CTNNA1: variants seen among roughly 807,000 people sequenced by gnomAD.
CTNNA1 encodes the protein catenin alpha-1.
In CTNNA1, 37 loss-of-function variants were observed where a neutral mutation model predicts 98.4. That is an observed-to-expected ratio of 0.38 (90% confidence interval 0.29 to 0.49). The LOEUF is 0.49. Among genes scored for constraint, CTNNA1 ranks in the 20% least tolerant of loss-of-function variants. The pLI is 0.95. For synonymous variants in CTNNA1, 404 were observed against 413.2 expected, an observed-to-expected ratio of 0.98 and a Z score of 0.27; for missense variants, 761 against 1,147.2, an observed-to-expected ratio of 0.66 and a Z score of 4.86.
At chr5:138,819,009 CA>C (rs1324653906) in intron 5 of CTNNA1, among the ~76,000 whole-genome samples, 2 of 152,094 alleles carry the variant, frequency 1.3e-5, no homozygotes, top group African/African-American at 4.8e-5. Context: ...AGCTTTGGCC[CA>C]GGGGCCTAGG....
intron 10 of CTNNA1, among the ~76,000 whole-genome samples, chr5:138,909,263 T>C (rs2150173065): frequency 6.6e-6 from 1 of 152,262 alleles, no homozygotes; most frequent in South Asian, 2.1e-4. Context: ...TTATAATGCC[T>C]GGTTTAATGC....
intron 7 of CTNNA1, chr5:138,875,509 T>A (rs1216403249): frequency 7.1e-6 from 7 of 985,362 alleles, no homozygotes; most frequent in Non-Finnish European, 8.4e-6. Flanking sequence ...AAAGAAGAAC[T>A]CCTGACTTAA....
chr5:138,813,044 C>T (rs114048139), intron 5 of CTNNA1, among the ~76,000 whole-genome samples: 1,541 of 152,320 alleles, frequency 0.01, 23 homozygotes, highest in African/African-American at 0.035. Context: ...GGATACTTTG[C>T]ACTGGAGTTT....
intron 3 of CTNNA1, among the ~76,000 whole-genome samples, chr5:138,790,632 A>G (rs1756250906): frequency 6.6e-6 from 1 of 152,138 alleles, no homozygotes; most frequent in African/African-American, 2.4e-5. Flanking sequence ...TGGGCTGGAG[A>G]TGCTGATCTT....
chr5:138,898,524 G>T (rs1222291310), intron 9 of CTNNA1, among the ~76,000 whole-genome samples: 1 of 151,420 alleles, frequency 6.6e-6, no homozygotes, highest in Non-Finnish European at 1.5e-5. Flanking sequence ...CATGTGAATG[G>T]AAATGATTAC....
intron 7 of CTNNA1, chr5:138,875,687 G>T (rs774009422): frequency 2.0e-6 from 2 of 985,428 alleles, no homozygotes; most frequent in Non-Finnish European, 1.2e-6. Flanking sequence ...ATCTAAATGG[G>T]CAGAAGCCTG....
Position 138,831,081 on chromosome 5 carries a change from A to G in CTNNA1, c.1062+3363A>G, listed in dbSNP as rs191172311. 4.8e-3 allele frequency among the ~76,000 whole-genome samples: 727 copies of G among 152,362 alleles called. 3 individuals carry two copies. Among genetic ancestry groups the G allele is most frequent in the African/African-American group, 0.015 (613 of 41,582 alleles). On this transcript the variant is annotated intron_variant, in intron 7 of 17. Transcript: ENST00000302763. The stretch of plus-strand genomic sequence containing the variant: ...TGGAACTTTGTATAAACATTGTTGT[A>G]AAGTCCAGAAAGGCTCACATAATAT...
intron 7 of CTNNA1, among the ~76,000 whole-genome samples, chr5:138,843,004 G>A (rs1299429418): frequency 6.6e-6 from 1 of 152,010 alleles, no homozygotes; most frequent in Non-Finnish European, 1.5e-5. Flanking sequence ...ACTAATTTGG[G>A]GGTTATGTTA....
rs1401839892 is a variant in CTNNA1, at chr5:138,930,653, C to T, written c.2191C>T (p.Arg731Ter). 5 of 1,610,716 alleles carry T rather than the reference C, an allele frequency of 3.1e-6. No homozygotes were observed. Among genetic ancestry groups the T allele is most frequent in the South Asian group, 1.1e-5 (1 of 90,498 alleles). ...MIMMEMTDFT[R>*]GKGPLKNTSD... ...TATGATGGAGATGACAGACTTTACC[C>T]GGTGAGCAGCACCCCGGCCCCACCA... Residue 731 changes from arginine (R) to a stop codon, truncating the protein, a stop_gained and splice_region_variant, in exon 15 of 18, where the codon CGA (arginine) becomes TGA (stop). Coordinates refer to ENST00000302763, the MANE Select transcript of CTNNA1 (RefSeq NM_001903.5). LOFTEE classifies it high-confidence loss of function.
At chr5:138,803,649 A>G (rs529147157) in intron 3 of CTNNA1, among the ~76,000 whole-genome samples, 57 of 152,292 alleles carry the variant, frequency 3.7e-4, no homozygotes, top group African/African-American at 1.2e-3. Flanking sequence ...CTCTTCCTCC[A>G]GATAGCCACA....
chr5:138,828,576 A>G (rs776303533), intron 7 of CTNNA1, among the ~76,000 whole-genome samples: 16 of 152,226 alleles, frequency 1.1e-4, no homozygotes, highest in Non-Finnish European at 1.3e-4. Context: ...AATCATTTTA[A>G]GGGGAAGAAG....
At chr5:138,811,045 T>C (rs1581111137) in intron 4 of CTNNA1, among the ~76,000 whole-genome samples, 1 of 149,358 alleles carries the variant, frequency 6.7e-6, no homozygotes, top group African/African-American at 2.5e-5. Flanking sequence ...CCGGACGGGG[T>C]GGCTGCCGGG....
At chr5:138,772,308 T>C (rs895171473) in intron 1 of CTNNA1, among the ~76,000 whole-genome samples, 1 of 152,210 alleles carries the variant, frequency 6.6e-6, no homozygotes, top group Middle Eastern at 3.2e-3. Context: ...GTTTATTTAG[T>C]TCCATTAAGC....
chr5:138,932,308 C>G, intron 16 of CTNNA1: 1 of 1,230,664 alleles, frequency 8.1e-7, no homozygotes, highest in South Asian at 2.6e-5. Context: ...GGAGGGAAGT[C>G]AGTGGGAGGC....
At chr5:138,891,288 C>T (rs1755294079) in intron 9 of CTNNA1, 1 of 152,100 alleles carries the variant, frequency 6.6e-6, no homozygotes, top group Non-Finnish European at 1.5e-5. Flanking sequence ...TCTTTATTGT[C>T]ATGTCTGTAT....
At chr5:138,881,556 T>C (rs1752911748) in intron 7 of CTNNA1, among the ~76,000 whole-genome samples, 1 of 152,256 alleles carries the variant, frequency 6.6e-6, no homozygotes, top group East Asian at 1.9e-4. Flanking sequence ...GATAATTCTC[T>C]TTAAAGTTCT....
chr5:138,877,762 A>G (rs1295416514), intron 7 of CTNNA1, among the ~76,000 whole-genome samples: 33 of 152,172 alleles, frequency 2.2e-4, no homozygotes, highest in Non-Finnish European at 1.2e-4. Context: ...TCTTAAATGA[A>G]AATAAGCCCT....
At chr5:138,810,016 T>C (rs779220579) in intron 3 of CTNNA1, 22 bp from the exon 4 acceptor site, 122 of 1,579,946 alleles carry the variant, frequency 7.7e-5, no homozygotes, top group Non-Finnish European at 9.5e-5. Context: ...TTGCTGAGTT[T>C]GTTTTTCATT....
chr5:138,872,252 T>C (rs938616167), intron 7 of CTNNA1: 1 of 152,666 alleles, frequency 6.6e-6, no homozygotes, highest in African/African-American at 2.4e-5. Context: ...ACAAAAATCA[T>C]GTCCATTATA....
Sources: gnomAD v4.1 joint callset for allele counts (sites outside exome capture counted in the v4.1 genomes callset) on GRCh38, gnomAD v4.1.1 for gene constraint, MANE v1.5 for transcripts, NCBI Gene and HGNC (gene_info 2026-07-23, HGNC 2026-07-21) for gene names.